Variants in TTC6 observed in about 807,000 individuals in gnomAD.
The protein encoded by TTC6 is tetratricopeptide repeat protein 6.
TTC6 carries 172 observed loss-of-function variants against 210.4 expected under a neutral mutation model. The ratio of observed to expected loss-of-function variants is 0.82; its 90% CI spans 0.72 to 0.93. The LOEUF (loss-of-function observed/expected upper bound fraction) is 0.93, where lower values mean the gene tolerates loss of function less well. TTC6 is among the 40% of genes least tolerant of loss of function. TTC6 has a pLI of 0.00. For missense variants in TTC6, 2,414 were observed against 2,318.1 expected (o/e 1.04, Z -0.85); for synonymous variants, 804 against 819.6 (o/e 0.98, Z 0.32).
intron 16 of TTC6, 48 bp downstream of exon 18, chr14:37,790,885 G>C: frequency 1.4e-6 from 2 of 1,462,240 alleles, no homozygotes; most frequent in South Asian, 2.6e-5. Flanking sequence ...GTAAAAAATC[G>C]AAAACCTGAA....
chr14:37,605,229 T>C (rs1346991097), intron 1 of TTC6, among the ~76,000 whole-genome samples: 1 of 152,180 alleles, frequency 6.6e-6, no homozygotes, highest in Non-Finnish European at 1.5e-5. Context: ...TGATGAAGTT[T>C]GGAAGGGCTG....
chr14:37,759,099 T>C (rs1471371888), intron 14 of TTC6, among the ~76,000 whole-genome samples: 1 of 151,858 alleles, frequency 6.6e-6, no homozygotes, highest in African/African-American at 2.4e-5. Flanking sequence ...GGCAAAACTC[T>C]GTCTCTACTA....
In TTC6 at chr14:37,632,139, G is replaced by A. The variant is rs143471037; in HGVS notation, c.939+9136G>A. 8.5e-4 allele frequency among the ~76,000 whole-genome samples: 130 copies of A among 152,176 alleles called. No individual in the cohort carries two copies. The East Asian group carries it at 0.013, about 15-fold the overall frequency. On this transcript the variant is annotated intron_variant, in intron 1 of 30. Transcript: ENST00000553443. ...TGCCAGTTGGTCAAACTCATTCTCCGTCCAGTTTTGTTCCCTTGATGGCAA... is the reference window on the plus strand; with the variant it reads ...TGCCAGTTGGTCAAACTCATTCTCCATCCAGTTTTGTTCCCTTGATGGCAA...
chr14:37,604,121 T>A (rs2095620826), intron 1 of TTC6, among the ~76,000 whole-genome samples: 1 of 152,198 alleles, frequency 6.6e-6, no homozygotes. Flanking sequence ...CACCATTCTC[T>A]GCGTTGTCGC....
intron 7 of TTC6, among the ~76,000 whole-genome samples, chr14:37,725,324 A>ATG (rs1566912186): frequency 1.2e-5 from 1 of 83,936 alleles, no homozygotes; most frequent in Non-Finnish European, 2.7e-5. Context: ...ATATATATAT[A>ATG]TATATATATA....
intron 29 of TTC6, among the ~76,000 whole-genome samples, chr14:37,841,089 G>A (rs1043588058): frequency 1.3e-5 from 2 of 152,102 alleles, no homozygotes; most frequent in African/African-American, 2.4e-5. Flanking sequence ...GGCTGGTCTC[G>A]AACTCCTGAC....
intron 1 of TTC6, among the ~76,000 whole-genome samples, chr14:37,644,751 T>C (rs1247025406): frequency 6.6e-6 from 1 of 152,182 alleles, no homozygotes; most frequent in Non-Finnish European, 1.5e-5. Flanking sequence ...ATGGAAAGAT[T>C]TTGTTATGTG....
exon 28 of TTC6, chr14:37,826,299 G>T: frequency 6.2e-7 from 1 of 1,611,826 alleles, no homozygotes; most frequent in Non-Finnish European, 8.5e-7. Context: ...TCTGTCTTCA[G>T]ATGGGTAATA....
In TTC6 at chr14:37,682,812, G is replaced by A. The variant is rs1355594417; in HGVS notation, c.1105G>A (p.Glu369Lys). The change falls in exon 3 of 31, where the codon GAG becomes AAG. Residue 369 changes from glutamate (E) to lysine (K), a missense_variant. Coordinates refer to ENST00000553443, the Ensembl canonical transcript of TTC6. ...GTCAAGTATTCTCCAGATTGAACAA[G>A]AGGATATAGAATGGGGACCCTCAGA... 3 of 1,535,636 alleles carry A rather than the reference G, an allele frequency of 2.0e-6. No individual in the cohort carries two copies. In the Admixed American group the frequency reaches 5.9e-5, roughly 30 times the overall value.
chr14:37,617,020 G>T (rs1469622503), intron 2 of TTC6, among the ~76,000 whole-genome samples: 1 of 152,070 alleles, frequency 6.6e-6, no homozygotes, highest in East Asian at 1.9e-4. Context: ...GGAACCAGAG[G>T]CATGTACCAA....
intron 1 of TTC6, among the ~76,000 whole-genome samples, chr14:37,635,991 A>G (rs1480746147): frequency 2.7e-5 from 4 of 150,870 alleles, no homozygotes; most frequent in Non-Finnish European, 3.0e-5. Flanking sequence ...CAAAAAAAAA[A>G]AAAAAAAAAG....
chr14:37,682,349 AGC>A (rs992855481), intron 2 of TTC6, among the ~76,000 whole-genome samples: 6 of 151,988 alleles, frequency 3.9e-5, no homozygotes, highest in Admixed American at 3.9e-4. Context: ...TAAAAACATG[AGC>A]TCCTGCTTGA....
At chr14:37,751,291 G>A in intron 13 of TTC6, 66 bp downstream of exon 15, 2 of 1,186,900 alleles carry the variant, frequency 1.7e-6, no homozygotes, top group Non-Finnish European at 2.2e-6. Flanking sequence ...CATGCAAATA[G>A]TACAGCAAGT....
At chr14:37,767,056 T>G (rs2096001666) in intron 14 of TTC6, among the ~76,000 whole-genome samples, 1 of 152,174 alleles carries the variant, frequency 6.6e-6, no homozygotes, top group African/African-American at 2.4e-5. Flanking sequence ...GGTGTTTGGT[T>G]TTTTGTTCTC....
chr14:37,725,009 T>C lies in TTC6; in HGVS notation c.1818+7T>C, dbSNP rs181407904. 3 of 1,427,902 alleles carry C rather than the reference T, an allele frequency of 2.1e-6. No individual in the cohort carries two copies. The highest frequency in any genetic ancestry group is 2.8e-6 in the Non-Finnish European group (3 of 1,060,372). 88.5% of individuals were successfully genotyped at this position (1,427,902 alleles called of 1,614,324 possible). A position where few individuals can be genotyped will look rare whatever the true frequency, so the allele number is the denominator to read the frequency against. Reference sequence around the variant, plus strand: ...TCTATATCCAAAATATGAGGTAACATACCGAATGGGTTTTCTCTATTATTG... The same window carrying C: ...TCTATATCCAAAATATGAGGTAACACACCGAATGGGTTTTCTCTATTATTG... On this transcript the variant is annotated splice_region_variant and intron_variant, in intron 7 of 30. Transcript: ENST00000553443.
chr14:37,654,198 C>T lies in TTC6; in HGVS notation c.940-25953C>T, dbSNP rs139687178. 1.7e-3 allele frequency among the ~76,000 whole-genome samples: 257 copies of T among 152,194 alleles called. 6 individuals carry two copies. In the East Asian group the frequency reaches 0.019, roughly 11 times the overall value. On this transcript the variant is annotated intron_variant, in intron 1 of 30. Transcript: ENST00000553443. ...TGGTTTTCTCATGAATGATTTAGCA[C>T]CACCCTGCTTGGTACTGTCTTTGAG...
exon 27 of TTC6, chr14:37,823,772 A>T: frequency 6.2e-7 from 1 of 1,613,896 alleles, no homozygotes; most frequent in African/African-American, 1.3e-5. Flanking sequence ...AGAAGCTGTC[A>T]ATTTCTTTAC....
In TTC6 at chr14:37,664,311, TGAATAGAACA is replaced by T. The variant is rs1448318272; in HGVS notation, c.940-15832_940-15823del. 4.0e-5 allele frequency among the ~76,000 whole-genome samples: 6 copies of T among 150,218 alleles called. 1 individual carries two copies. The highest frequency in any genetic ancestry group is 7.5e-5 in the Non-Finnish European group (5 of 66,944). On this transcript the variant is annotated intron_variant, in intron 1 of 30. Coordinates refer to ENST00000553443, the Ensembl canonical transcript of TTC6. ...ACTGGTACAAGAACAGACACATAGA[TGAATAGAACA>T]GAATAGAGAGCTCAGAAATGAGACG...
chr14:37,723,960 T>A (rs35699962), intron 6 of TTC6, among the ~76,000 whole-genome samples: 8,658 of 152,138 alleles, frequency 0.057, 377 homozygotes, highest in Non-Finnish European at 0.089. Flanking sequence ...AATGGGTTTT[T>A]AAAAATGTAT....
Sources: gnomAD v4.1 joint callset for allele counts (sites outside exome capture counted in the v4.1 genomes callset) on GRCh38, gnomAD v4.1.1 for gene constraint, MANE v1.5 for transcripts, NCBI Gene and HGNC (gene_info 2026-07-23, HGNC 2026-07-21) for gene names.